EXOC6B: variants seen among roughly 807,000 people sequenced by gnomAD.
EXOC6B encodes SEC15 homolog B.
EXOC6B carries 54 observed loss-of-function variants against 113.5 expected under a neutral mutation model. The observed-to-expected ratio is 0.48, with a 90% CI of 0.38 to 0.60. The LOEUF is 0.60. EXOC6B is among the 20% of genes least tolerant of loss of function. The pLI is 0.00. For missense variants in EXOC6B, 797 were observed against 977.5 expected, an observed-to-expected ratio of 0.82 and a Z score of 2.46; for synonymous variants, 357 against 339.0, an observed-to-expected ratio of 1.05 and a Z score of -0.58.
At chr2:72,260,421 C>T (rs562048493) in intron 20 of EXOC6B, among the ~76,000 whole-genome samples, 4 of 152,262 alleles carry the variant, frequency 2.6e-5, no homozygotes, top group African/African-American at 9.6e-5. Flanking sequence ...TTGTGCGAGG[C>T]AACAATTATG....
chr2:72,609,521 T>G (rs76663091), intron 6 of EXOC6B, among the ~76,000 whole-genome samples: 1 of 146,616 alleles, frequency 6.8e-6, no homozygotes, highest in Non-Finnish European at 1.5e-5. Context: ...ATAAAAATAA[T>G]TAAAAAAAAA....
intron 18 of EXOC6B, among the ~76,000 whole-genome samples, chr2:72,437,707 A>AT (rs1283292036): frequency 3.3e-5 from 5 of 152,172 alleles, no homozygotes; most frequent in African/African-American, 1.2e-4. Flanking sequence ...TTTTCAATAA[A>AT]TTTTGCTGCA....
chr2:72,720,315 A>G (rs1351185503), intron 5 of EXOC6B, among the ~76,000 whole-genome samples: 1 of 152,218 alleles, frequency 6.6e-6, no homozygotes, highest in Non-Finnish European at 1.5e-5. Context: ...GAATGGACTA[A>G]GCACTCCAAT....
chr2:72,435,718 T>A (rs1347020897), intron 18 of EXOC6B, among the ~76,000 whole-genome samples: 1 of 144,912 alleles, frequency 6.9e-6, no homozygotes, highest in Non-Finnish European at 1.5e-5. Flanking sequence ...CCCCTGCTTT[T>A]TTTTTGTTTT....
intron 5 of EXOC6B, among the ~76,000 whole-genome samples, chr2:72,722,516 C>A (rs1680074503): frequency 6.6e-6 from 1 of 151,926 alleles, no homozygotes; most frequent in African/African-American, 2.4e-5. Context: ...AAATCAAAGT[C>A]TTTGTTTAAG....
intron 19 of EXOC6B, among the ~76,000 whole-genome samples, chr2:72,370,880 G>C (rs549577851): frequency 1.3e-4 from 19 of 143,390 alleles, no homozygotes; most frequent in Admixed American, 1.1e-3. Context: ...TGGGAGGGGG[G>C]AGGGATATGC....
At chr2:72,668,532 G>C (rs1035528187) in intron 6 of EXOC6B, among the ~76,000 whole-genome samples, 3 of 151,846 alleles carry the variant, frequency 2.0e-5, no homozygotes, top group African/African-American at 7.3e-5. Context: ...CCCAACAACA[G>C]TAGACTAGAT....
At chr2:72,507,885 TTGTAC>T in intron 11 of EXOC6B, among the ~76,000 whole-genome samples, 1 of 151,834 alleles carries the variant, frequency 6.6e-6, no homozygotes, top group Non-Finnish European at 1.5e-5. Flanking sequence ...GGGTGCATTT[TTGTAC>T]TGCGAGATTT....
intron 6 of EXOC6B, among the ~76,000 whole-genome samples, chr2:72,647,444 G>T (rs1197625891): frequency 6.6e-6 from 1 of 152,008 alleles, no homozygotes; most frequent in Non-Finnish European, 1.5e-5. Flanking sequence ...AGTTCATATG[G>T]AACCAAAAAA....
intron 6 of EXOC6B, among the ~76,000 whole-genome samples, chr2:72,636,327 A>G (rs866347932): frequency 1.9e-5 from 2 of 105,714 alleles, no homozygotes; most frequent in Admixed American, 1.0e-4. Context: ...GAGGGAGGGA[A>G]GGAGGGAAGG....
intron 8 of EXOC6B, among the ~76,000 whole-genome samples, chr2:72,525,108 C>G (rs919066362): frequency 6.6e-6 from 1 of 152,022 alleles, no homozygotes; most frequent in Non-Finnish European, 1.5e-5. Flanking sequence ...ACAGAGTCTG[C>G]AGAATTTTAA....
At chr2:72,265,133 C>T (rs958188104) in intron 20 of EXOC6B, among the ~76,000 whole-genome samples, 7 of 151,980 alleles carry the variant, frequency 4.6e-5, no homozygotes, top group South Asian at 4.2e-4. Context: ...TGGTTTTGAC[C>T]AAAATGCTGT....
intron 5 of EXOC6B, among the ~76,000 whole-genome samples, chr2:72,730,230 G>A (rs893360587): frequency 6.6e-6 from 1 of 152,152 alleles, no homozygotes. Flanking sequence ...GACCAGAGGA[G>A]CCAGATATTT....
At chr2:72,367,316 T>TA (rs902160456) in intron 19 of EXOC6B, among the ~76,000 whole-genome samples, 7 of 119,148 alleles carry the variant, frequency 5.9e-5, no homozygotes, top group South Asian at 6.4e-4. Flanking sequence ...ATAGATCACA[T>TA]AAAAAAACAC....
chr2:72,769,683 G>A (rs756949582), intron 1 of EXOC6B, among the ~76,000 whole-genome samples: 5 of 152,132 alleles, frequency 3.3e-5, no homozygotes, highest in African/African-American at 9.7e-5. Flanking sequence ...GTGGTGACAC[G>A]TGCCTGTAAT....
chr2:72,522,885 T>C (rs938607120), intron 8 of EXOC6B, among the ~76,000 whole-genome samples: 9 of 152,230 alleles, frequency 5.9e-5, no homozygotes, highest in Non-Finnish European at 1.2e-4. Context: ...CATCATAATT[T>C]AGCATGATCC....
At chr2:72,260,033 C>G (rs1241292066) in intron 20 of EXOC6B, among the ~76,000 whole-genome samples, 1 of 151,444 alleles carries the variant, frequency 6.6e-6, no homozygotes, top group Non-Finnish European at 1.5e-5. Context: ...ACTTGGGTGA[C>G]ATAGTGAGAC....
At chr2:72,290,873 A>T (rs1343086713) in intron 20 of EXOC6B, among the ~76,000 whole-genome samples, 4 of 152,136 alleles carry the variant, frequency 2.6e-5, no homozygotes, top group Non-Finnish European at 5.9e-5. Flanking sequence ...AATCTATTTT[A>T]TATGGGAAAA....
intron 6 of EXOC6B, among the ~76,000 whole-genome samples, chr2:72,691,981 G>A (rs990568684): frequency 2.6e-5 from 4 of 151,938 alleles, no homozygotes; most frequent in Admixed American, 1.3e-4. Flanking sequence ...ACTGCGCCCA[G>A]CCCCTGTTCC....
Sources: gnomAD v4.1 joint callset for allele counts (sites outside exome capture counted in the v4.1 genomes callset) on GRCh38, gnomAD v4.1.1 for gene constraint, MANE v1.5 for transcripts, NCBI Gene and HGNC (gene_info 2026-07-23, HGNC 2026-07-21) for gene names.